Variants in ITSN1 observed in about 807,000 individuals in gnomAD.
The protein encoded by ITSN1 is intersectin-1.
In ITSN1, 58 loss-of-function variants were observed where a neutral mutation model predicts 239.8. That is an observed-to-expected ratio of 0.24 (90% CI 0.20 to 0.30). The LOEUF (loss-of-function observed/expected upper bound fraction) is 0.30. ITSN1 is among the 10% of genes least tolerant of loss of function. The pLI is 1.00. For synonymous variants in ITSN1, 780 were observed against 770.8 expected (o/e 1.01, Z -0.20); for missense variants, 1,558 against 2,103.3 (o/e 0.74, Z 5.07).
In ITSN1 at chr21:33,742,058, C is replaced by CTTT. The variant is rs758936755; in HGVS notation, c.346+6868_346+6870dup. 7.7e-4 allele frequency among the ~76,000 whole-genome samples: 107 copies of CTTT among 138,924 alleles called. 2 individuals carry two copies. Among genetic ancestry groups the CTTT allele is most frequent in the African/African-American group, 2.8e-3 (106 of 37,562 alleles). 91.1% of individuals were successfully genotyped at this position (138,924 alleles called of 152,430 possible). A position where few individuals can be genotyped will look rare whatever the true frequency, so the allele number is the denominator to read the frequency against. ...TGTTCAACAACACTATTTTTAAAATCTTTTTTTTTTTTTTTTGAGGTGGAG... is the reference window on the plus strand; with the variant it reads ...TGTTCAACAACACTATTTTTAAAATCTTTTTTTTTTTTTTTTTTTGAGGTGGAG... On this transcript the variant is annotated intron_variant, in intron 5 of 39. Transcript: ENST00000381318.
chr21:33,698,554 GTCA>G (rs2091891444), intron 1 of ITSN1, among the ~76,000 whole-genome samples: 1 of 152,124 alleles, frequency 6.6e-6, no homozygotes, highest in Non-Finnish European at 1.5e-5. Context: ...TCCCTTTTAG[GTCA>G]TCTTGTTCTT....
At chr21:33,838,523 A>G in intron 29 of ITSN1, 2 of 941,808 alleles carry the variant, frequency 2.1e-6, no homozygotes, top group Non-Finnish European at 2.5e-6. Context: ...TGTGTTCTTG[A>G]TGTTGGAACC....
intron 37 of ITSN1, 31 bp from the exon 38 acceptor site, chr21:33,885,408 G>T (rs773072160): frequency 6.3e-7 from 1 of 1,593,068 alleles, no homozygotes; most frequent in East Asian, 2.2e-5. Flanking sequence ...ACGTTCAAAT[G>T]AAGCATTTTG....
intron 16 of ITSN1, among the ~76,000 whole-genome samples, chr21:33,786,281 A>G (rs1191174578): frequency 1.3e-5 from 2 of 152,220 alleles, no homozygotes; most frequent in East Asian, 1.9e-4. Flanking sequence ...TGTGTTCTGT[A>G]TGTAACAAAT....
intron 1 of ITSN1, among the ~76,000 whole-genome samples, chr21:33,657,122 C>T (rs1169587873): frequency 6.6e-6 from 1 of 152,072 alleles, no homozygotes; most frequent in East Asian, 1.9e-4. Context: ...TTCTAATGAA[C>T]CAGTTGCCCA....
chr21:33,689,530 A>G (rs2091407756), intron 1 of ITSN1: 1 of 152,178 alleles, frequency 6.6e-6, no homozygotes, highest in Admixed American at 6.5e-5. Flanking sequence ...AAATAAAATT[A>G]ACAGGCACAG....
In ITSN1 at chr21:33,893,193, C is replaced by T. The variant is rs1049385968; in HGVS notation, c.*4893C>T. ...ACTTCATGTGCAGTAGCCCAGGGCCCGCCTTCTAGAGTGAATGTTTCCCTC... is the reference window on the plus strand; with the variant it reads ...ACTTCATGTGCAGTAGCCCAGGGCCTGCCTTCTAGAGTGAATGTTTCCCTC... On this transcript the variant is annotated 3_prime_UTR_variant, in exon 40 of 40. Transcript: ENST00000381318. 5 of 152,204 alleles carry T rather than the reference C, an allele frequency of 3.3e-5. No individual in the cohort carries two copies. The highest frequency in any genetic ancestry group is 1.2e-4 in the African/African-American group (5 of 41,436). 9.4% of individuals were successfully genotyped at this position (152,204 alleles called of 1,614,324 possible).
chr21:33,689,153 A>G (rs946653054), intron 1 of ITSN1, among the ~76,000 whole-genome samples: 8 of 152,192 alleles, frequency 5.3e-5, no homozygotes, highest in African/African-American at 1.9e-4. Flanking sequence ...GAAGTTCTAC[A>G]GTAAATCAAA....
intron 25 of ITSN1, among the ~76,000 whole-genome samples, chr21:33,824,940 C>A (rs2073897904): frequency 6.6e-6 from 1 of 152,112 alleles, no homozygotes; most frequent in Non-Finnish European, 1.5e-5. Context: ...CTTTTCAGAC[C>A]TGGAAACAGA....
chr21:33,744,864 C>T (rs1227165393), intron 5 of ITSN1, among the ~76,000 whole-genome samples: 2 of 152,104 alleles, frequency 1.3e-5, no homozygotes, highest in African/African-American at 4.8e-5. Context: ...GAATAATTTA[C>T]CTTAAGAAGA....
At chr21:33,886,262 T>C (rs748325709) in intron 38 of ITSN1, 25 bp from the exon 39 acceptor site, 3 of 1,588,388 alleles carry the variant, frequency 1.9e-6, no homozygotes, top group East Asian at 4.5e-5. Flanking sequence ...GAGTTCCACC[T>C]GGCGAAGGCT....
At chr21:33,854,019 G>A (rs1345906034) in intron 29 of ITSN1, among the ~76,000 whole-genome samples, 1 of 152,210 alleles carries the variant, frequency 6.6e-6, no homozygotes, top group Admixed American at 6.5e-5. Context: ...ACCCAGAGTG[G>A]TTAGTCCTAG....
intron 1 of ITSN1, among the ~76,000 whole-genome samples, chr21:33,697,825 A>G (rs2091863073): frequency 6.6e-6 from 1 of 152,194 alleles, no homozygotes; most frequent in Non-Finnish European, 1.5e-5. Context: ...AAGTCACTTT[A>G]TTGAAGCTTT....
intron 1 of ITSN1, among the ~76,000 whole-genome samples, chr21:33,703,315 C>T (rs2092110806): frequency 6.6e-6 from 1 of 151,942 alleles, no homozygotes; most frequent in Admixed American, 6.6e-5. Flanking sequence ...AATTAAGGAT[C>T]ATCAGTATTT....
chr21:33,664,702 G>A (rs185864618), intron 1 of ITSN1, among the ~76,000 whole-genome samples: 30 of 152,294 alleles, frequency 2.0e-4, no homozygotes, highest in East Asian at 1.9e-4. Context: ...TTAAAACAGC[G>A]CAGTGCCTCA....
chr21:33,827,897 A>G (rs543501141), intron 26 of ITSN1, among the ~76,000 whole-genome samples: 23 of 152,340 alleles, frequency 1.5e-4, no homozygotes, highest in African/African-American at 4.1e-4. Context: ...CCCAGCTCCA[A>G]CTGGGCTTAC....
intron 17 of ITSN1, among the ~76,000 whole-genome samples, chr21:33,795,789 CA>C (rs1263848943): frequency 6.6e-6 from 1 of 151,542 alleles, no homozygotes; most frequent in African/African-American, 2.4e-5. Flanking sequence ...ACATAAAATA[CA>C]GAAAAATACA....
At chr21:33,725,133 G>GTTTT (rs1171718411) in intron 4 of ITSN1, among the ~76,000 whole-genome samples, 8 of 91,146 alleles carry the variant, frequency 8.8e-5, no homozygotes, top group Non-Finnish European at 1.4e-4. Flanking sequence ...TTTTTTTTTT[G>GTTTT]TTTTTTTTTT....
At chr21:33,666,304 G>A (rs980307611) in intron 1 of ITSN1, among the ~76,000 whole-genome samples, 1 of 152,136 alleles carries the variant, frequency 6.6e-6, no homozygotes, top group Non-Finnish European at 1.5e-5. Flanking sequence ...AGTAGCTGGG[G>A]CAGAGCATAG....
Sources: gnomAD v4.1 joint callset for allele counts (sites outside exome capture counted in the v4.1 genomes callset) on GRCh38, gnomAD v4.1.1 for gene constraint, MANE v1.5 for transcripts, NCBI Gene and HGNC (gene_info 2026-07-23, HGNC 2026-07-21) for gene names.